The following MAGI2 variants were observed in gnomAD, a reference collection of about 807,000 sequenced individuals.
MAGI2 encodes membrane-associated guanylate kinase, WW and PDZ domain-containing protein 2.
A neutral mutation model predicts 133.3 loss-of-function variants in MAGI2; 35 were observed. The observed-to-expected ratio is 0.26, with a 90% CI of 0.20 to 0.35. The LOEUF (loss-of-function observed/expected upper bound fraction) is 0.35. Ranked by LOEUF, MAGI2 falls within the 10% of genes least tolerant of loss-of-function variation. MAGI2 has a pLI of 1.00. For synonymous variants in MAGI2, 729 were observed against 710.6 expected (o/e 1.03, Z -0.41); for missense variants, 1,636 against 1,863.4 (o/e 0.88, Z 2.25).
At chr7:79,232,830 T>C (rs2129554354) in intron 1 of MAGI2, among the ~76,000 whole-genome samples, 1 of 33,428 alleles carries the variant, frequency 3.0e-5, no homozygotes, top group East Asian at 7.7e-4. Context: ...TCTTGCCTTC[T>C]GCTAGCTTTT....
chr7:78,329,206 T>C (rs1467709400), intron 9 of MAGI2, among the ~76,000 whole-genome samples: 1 of 152,238 alleles, frequency 6.6e-6, no homozygotes, highest in Non-Finnish European at 1.5e-5. Context: ...ATAATGTTTC[T>C]GCAGCTGCAG....
chr7:78,043,285 C>G (rs1387500506), intron 21 of MAGI2, among the ~76,000 whole-genome samples: 1 of 152,100 alleles, frequency 6.6e-6, no homozygotes, highest in African/African-American at 2.4e-5. Flanking sequence ...AAAATTGATA[C>G]AAAGGGCCTT....
chr7:78,580,473 T>C (rs535885271), intron 3 of MAGI2, among the ~76,000 whole-genome samples: 1 of 151,520 alleles, frequency 6.6e-6, no homozygotes, highest in Admixed American at 6.6e-5. Flanking sequence ...TATTGTACAA[T>C]GCAATCTACA....
At chr7:78,426,941 G>A (rs1021499727) in intron 6 of MAGI2, among the ~76,000 whole-genome samples, 5 of 152,142 alleles carry the variant, frequency 3.3e-5, no homozygotes, top group Non-Finnish European at 4.4e-5. Context: ...ATGTACGCAC[G>A]TGTAATACAT....
rs779549238 is a variant in MAGI2 at position 78,627,272 on chromosome 7, C to T, written c.419-33G>A. 38 of 1,489,836 alleles carry T rather than the reference C, an allele frequency of 2.6e-5. No homozygotes were observed. The South Asian group carries it at 3.1e-4, about 12-fold the overall frequency. 92.3% of individuals were successfully genotyped at this position (1,489,836 alleles called of 1,614,324 possible). A position where few individuals can be genotyped will look rare whatever the true frequency, so the allele number is the denominator to read the frequency against. ...AAGAAAAGTAAAAACAAAAGAAAGA[C>T]GCTAAGTGATTTGTTGTTGAACTTT... is the stretch of plus-strand genomic sequence containing the variant. On this transcript the variant is annotated intron_variant, in intron 2 of 21. Coordinates refer to ENST00000354212, the MANE Select transcript of MAGI2 (RefSeq NM_012301.4).
chr7:78,410,104 G>A (rs1464034810), intron 6 of MAGI2, among the ~76,000 whole-genome samples: 1 of 151,972 alleles, frequency 6.6e-6, no homozygotes, highest in South Asian at 2.1e-4. Context: ...AGTAAGGGGA[G>A]CCATGGGTGC....
At chr7:78,908,269 A>T (rs1371489030) in intron 2 of MAGI2, among the ~76,000 whole-genome samples, 1 of 152,210 alleles carries the variant, frequency 6.6e-6, no homozygotes, top group South Asian at 2.1e-4. Flanking sequence ...TGTTGTCATT[A>T]TATTTGTTTT....
At chr7:79,288,771 A>G (rs1004853286) in intron 1 of MAGI2, among the ~76,000 whole-genome samples, 4 of 152,198 alleles carry the variant, frequency 2.6e-5, no homozygotes, top group Non-Finnish European at 5.9e-5. Flanking sequence ...AGGCAACATT[A>G]TCTACTTTAA....
intron 4 of MAGI2, among the ~76,000 whole-genome samples, chr7:78,505,702 T>C (rs757335527): frequency 3.9e-5 from 6 of 152,230 alleles, no homozygotes; most frequent in Non-Finnish European, 7.3e-5. Flanking sequence ...CTCATGGAAC[T>C]CCAAATATGT....
At chr7:78,399,244 G>T (rs1261340342) in intron 6 of MAGI2, among the ~76,000 whole-genome samples, 2 of 152,132 alleles carry the variant, frequency 1.3e-5, no homozygotes, top group Non-Finnish European at 2.9e-5. Context: ...ATGCATGCGG[G>T]TGTGTGCACA....
chr7:78,861,349 C>T (rs1253781012), intron 2 of MAGI2, among the ~76,000 whole-genome samples: 1 of 152,196 alleles, frequency 6.6e-6, no homozygotes. Context: ...CCTATTTGGC[C>T]ATCTTGGAAC....
chr7:79,251,968 G>T (rs142597955), intron 1 of MAGI2, among the ~76,000 whole-genome samples: 1 of 151,830 alleles, frequency 6.6e-6, no homozygotes, highest in African/African-American at 2.4e-5. Flanking sequence ...ACCAGCCTGG[G>T]CAACTTGGCA....
chr7:78,622,742 G>A (rs749757048), intron 3 of MAGI2, among the ~76,000 whole-genome samples: 36 of 152,030 alleles, frequency 2.4e-4, no homozygotes, highest in Non-Finnish European at 4.6e-4. Flanking sequence ...AAAATCTGAA[G>A]ATCCTGAGGT....
intron 2 of MAGI2, among the ~76,000 whole-genome samples, chr7:78,900,426 C>T (rs1797534290): frequency 6.6e-6 from 1 of 152,158 alleles, no homozygotes; most frequent in Non-Finnish European, 1.5e-5. Context: ...TTCTATCACT[C>T]ACTCCACTCC....
intron 20 of MAGI2, among the ~76,000 whole-genome samples, chr7:78,083,745 T>C (rs1189889861): frequency 2.0e-5 from 3 of 152,216 alleles, no homozygotes; most frequent in Non-Finnish European, 2.9e-5. Flanking sequence ...GATTTTTCTT[T>C]AACAAAACAC....
At chr7:78,737,908 T>G (rs1822025175) in intron 2 of MAGI2, among the ~76,000 whole-genome samples, 1 of 152,100 alleles carries the variant, frequency 6.6e-6, no homozygotes. Context: ...TGAGAATGGC[T>G]ATCACTTAGT....
chr7:79,422,233 C>A (rs1847015371), intron 1 of MAGI2, among the ~76,000 whole-genome samples: 1 of 151,940 alleles, frequency 6.6e-6, no homozygotes, highest in Non-Finnish European at 1.5e-5. Context: ...ACTTCTAGCT[C>A]CACTCTGTCA....
intron 1 of MAGI2, among the ~76,000 whole-genome samples, chr7:79,197,174 G>C (rs188524897): frequency 6.6e-6 from 1 of 151,834 alleles, no homozygotes; most frequent in Non-Finnish European, 1.5e-5. Flanking sequence ...TCCAGATCTA[G>C]TGGGTACTTG....
chr7:78,805,752 C>G (rs1290984004), intron 2 of MAGI2, among the ~76,000 whole-genome samples: 6 of 152,092 alleles, frequency 3.9e-5, no homozygotes, highest in Non-Finnish European at 8.8e-5. Context: ...CTCAAGCAGC[C>G]CTATGGAAAG....
Sources: allele counts gnomAD v4.1 joint callset (sites outside exome capture counted in the v4.1 genomes callset), GRCh38; gene constraint gnomAD v4.1.1; transcripts MANE v1.5; gene names NCBI Gene and HGNC (gene_info 2026-07-23, HGNC 2026-07-21).